RBMS3: variants seen among roughly 807,000 people sequenced by gnomAD.
The protein encoded by RBMS3 is RNA binding motif single stranded interacting protein 3.
In RBMS3, 27 loss-of-function variants were observed where a neutral mutation model predicts 66.8. The ratio of observed to expected loss-of-function variants is 0.40; its 90% confidence interval spans 0.30 to 0.56. The LOEUF is 0.56. RBMS3 is among the 20% of genes least tolerant of loss of function. The probability of loss-of-function intolerance (pLI) is 0.40; values close to 1 mark genes in which losing one functional copy is unlikely to be tolerated. For missense variants in RBMS3, 513 were observed against 549.5 expected, an observed-to-expected ratio of 0.93 and a Z score of 0.66; for synonymous variants, 188 against 183.0, an observed-to-expected ratio of 1.03 and a Z score of -0.22.
At chr3:29,679,099 G>A (rs2051378300) in intron 4 of RBMS3, among the ~76,000 whole-genome samples, 4 of 151,950 alleles carry the variant, frequency 2.6e-5, no homozygotes, top group Admixed American at 2.6e-4. Flanking sequence ...GAAAATTCAT[G>A]GGCACCACCT....
At chr3:29,864,919 GA>G (rs1283361902) in intron 6 of RBMS3, among the ~76,000 whole-genome samples, 1 of 115,384 alleles carries the variant, frequency 8.7e-6, no homozygotes, top group Non-Finnish European at 1.7e-5. Flanking sequence ...AGAGAGAGAG[GA>G]AGGAAGGAAG....
chr3:29,667,496 A>C (rs887717991), intron 4 of RBMS3, among the ~76,000 whole-genome samples: 2 of 152,196 alleles, frequency 1.3e-5, no homozygotes, highest in Non-Finnish European at 2.9e-5. Flanking sequence ...GATAGTTCTC[A>C]TGCAAATAGT....
intron 12 of RBMS3, among the ~76,000 whole-genome samples, chr3:29,966,024 GA>G (rs1296784259): frequency 6.6e-6 from 1 of 152,128 alleles, no homozygotes; most frequent in Non-Finnish European, 1.5e-5. Flanking sequence ...CTTTGTCAAA[GA>G]TCAGTTGGCT....
intron 10 of RBMS3, among the ~76,000 whole-genome samples, chr3:29,928,219 CA>C (rs1559808942): frequency 4.3e-5 from 6 of 139,792 alleles, no homozygotes; most frequent in African/African-American, 2.8e-5. Flanking sequence ...TATACACACA[CA>C]CACACACACA....
intron 2 of RBMS3, among the ~76,000 whole-genome samples, chr3:29,451,356 T>G (rs1474846749): frequency 2.0e-5 from 3 of 152,134 alleles, no homozygotes; most frequent in Non-Finnish European, 2.9e-5. Context: ...TTATGGGACA[T>G]TGTCTTAGGT....
At chr3:29,582,093 A>G (rs932341491) in intron 3 of RBMS3, among the ~76,000 whole-genome samples, 1 of 152,178 alleles carries the variant, frequency 6.6e-6, no homozygotes, top group African/African-American at 2.4e-5. Flanking sequence ...CAGCAAATGC[A>G]CTAAAGGAAA....
At chr3:29,714,806 T>C (rs1400227024) in intron 4 of RBMS3, among the ~76,000 whole-genome samples, 2 of 151,886 alleles carry the variant, frequency 1.3e-5, no homozygotes, top group African/African-American at 4.8e-5. Context: ...TCTGAAAAGA[T>C]AAAGACAATG....
intron 12 of RBMS3, among the ~76,000 whole-genome samples, chr3:29,975,337 G>A (rs1294750706): frequency 6.6e-6 from 1 of 151,358 alleles, no homozygotes; most frequent in Non-Finnish European, 1.5e-5. Flanking sequence ...CTGCTTAATT[G>A]ACAATGCCAA....
chr3:29,567,541 C>T (rs2046787306), intron 3 of RBMS3, among the ~76,000 whole-genome samples: 1 of 152,070 alleles, frequency 6.6e-6, no homozygotes, highest in South Asian at 2.1e-4. Flanking sequence ...GTGGTAGAAT[C>T]AGCGTTGTCA....
At chr3:29,645,420 C>T (rs1428620260) in intron 4 of RBMS3, among the ~76,000 whole-genome samples, 1 of 152,162 alleles carries the variant, frequency 6.6e-6, no homozygotes. Context: ...TGTCCCAGGA[C>T]AGAAGGGTCT....
chr3:29,508,063 G>A (rs929760587), intron 3 of RBMS3, among the ~76,000 whole-genome samples: 5 of 151,998 alleles, frequency 3.3e-5, no homozygotes, highest in Admixed American at 1.3e-4. Context: ...CTGTTATTTG[G>A]AATGAGATGT....
intron 12 of RBMS3, among the ~76,000 whole-genome samples, chr3:29,974,831 A>C (rs13072926): frequency 0.012 from 1,733 of 141,878 alleles, 60 homozygotes; most frequent in African/African-American, 0.042. Flanking sequence ...AAATACGTTT[A>C]TATATTTATA....
At chr3:29,825,929 A>C (rs1183212425) in intron 6 of RBMS3, among the ~76,000 whole-genome samples, 2 of 152,236 alleles carry the variant, frequency 1.3e-5, no homozygotes, top group African/African-American at 4.8e-5. Flanking sequence ...AGAAAGCACT[A>C]CGTCTTCTAC....
At chr3:29,804,370 T>C (rs1377781067) in intron 6 of RBMS3, among the ~76,000 whole-genome samples, 1 of 152,056 alleles carries the variant, frequency 6.6e-6, no homozygotes, top group Non-Finnish European at 1.5e-5. Flanking sequence ...TATAATTAGC[T>C]CTATAATATA....
chr3:29,521,094 T>G (rs1385133008), intron 3 of RBMS3, among the ~76,000 whole-genome samples: 2 of 152,170 alleles, frequency 1.3e-5, no homozygotes, highest in Admixed American at 1.3e-4. Context: ...TATTATTTTT[T>G]TCCATAATAC....
At chr3:29,979,958 G>T (rs1697868891) in intron 12 of RBMS3, among the ~76,000 whole-genome samples, 2 of 152,130 alleles carry the variant, frequency 1.3e-5, no homozygotes, top group Admixed American at 6.5e-5. Flanking sequence ...CCCAGTAATG[G>T]GATTGCTGGG....
At chr3:29,944,335 G>A in intron 12 of RBMS3, 81 bp downstream of exon 12, 1 of 1,252,492 alleles carries the variant, frequency 8.0e-7, no homozygotes, top group South Asian at 1.2e-5. Context: ...ACTCTTTAAA[G>A]CAGTGATTCT....
chr3:29,422,481 A>G (rs563061141), intron 1 of RBMS3, among the ~76,000 whole-genome samples: 20 of 152,012 alleles, frequency 1.3e-4, no homozygotes, highest in African/African-American at 4.6e-4. Flanking sequence ...TTCTTTCGAG[A>G]AATTCTCTAA....
At chr3:29,324,648 G>A (rs1365692428) in intron 1 of RBMS3, among the ~76,000 whole-genome samples, 1 of 152,094 alleles carries the variant, frequency 6.6e-6, no homozygotes, top group African/African-American at 2.4e-5. Flanking sequence ...TGTTTCCCCT[G>A]TGCCCTTCCA....
Sources: allele counts gnomAD v4.1 joint callset (sites outside exome capture counted in the v4.1 genomes callset), GRCh38; gene constraint gnomAD v4.1.1; transcripts MANE v1.5; gene names NCBI Gene and HGNC (gene_info 2026-07-23, HGNC 2026-07-21).